The following KIRREL3 variants were observed in gnomAD, a reference collection of about 807,000 sequenced individuals.
KIRREL3 encodes the protein kirre like nephrin family adhesion molecule 3, also known as kin of IRRE-like protein 3.
In KIRREL3, 36 loss-of-function variants were observed where a neutral mutation model predicts 89.7. The ratio of observed to expected loss-of-function variants is 0.40; its 90% CI spans 0.31 to 0.53. The LOEUF is 0.53. KIRREL3 is among the 20% of genes least tolerant of loss of function. The pLI, the probability that KIRREL3 is intolerant of heterozygous loss-of-function variation, is 0.49. For missense variants in KIRREL3, 864 were observed against 1,056.6 expected, an observed-to-expected ratio of 0.82 and a Z score of 2.53; for synonymous variants, 445 against 441.4, an observed-to-expected ratio of 1.01 and a Z score of -0.10.
Position 126,797,211 on chromosome 11 carries a change from T to C in KIRREL3, c.55+203244A>G, listed in dbSNP as rs1011865162. 2.0e-5 allele frequency among the ~76,000 whole-genome samples: 3 copies of C among 152,180 alleles called. No homozygotes were observed. The highest frequency in any genetic ancestry group is 7.2e-5 in the African/African-American group (3 of 41,440). ...GGAATATGAGCCTAGGCTCTGAATA[T>C]GGGACCAATTTGAATTTAGATCCCA... On this transcript the variant is annotated intron_variant, in intron 1 of 16. Coordinates refer to ENST00000525144, the MANE Select transcript of KIRREL3 (RefSeq NM_032531.4). The surrounding 1 kb of genome is among the most constrained non-coding windows in gnomAD (Gnocchi z 4.9).
At position 126,965,912 on chromosome 11, in the gene KIRREL3, T is replaced by C. The variant is rs1949255174; in HGVS notation, c.55+34543A>G. On this transcript the variant is annotated intron_variant, in intron 1 of 16. Coordinates refer to ENST00000525144, the MANE Select transcript of KIRREL3 (RefSeq NM_032531.4). The surrounding 1 kb of genome is among the most constrained non-coding windows in gnomAD (Gnocchi z 4.4). ...TCCACAGGTAGGTACTTGAGTGGAC[T>C]GGCCTCAACTTGTAGAATTTAGAGT... 6.6e-6 allele frequency among the ~76,000 whole-genome samples: 1 copy of C among 152,202 alleles called. No individual in the cohort carries two copies. Among genetic ancestry groups the C allele is most frequent in the Admixed American group, 6.5e-5 (1 of 15,272 alleles).
At chr11:126,986,334 C>T (rs1202721594) in intron 1 of KIRREL3, among the ~76,000 whole-genome samples, 1 of 151,972 alleles carries the variant, frequency 6.6e-6, no homozygotes, top group African/African-American at 2.4e-5. Flanking sequence ...AATATCAATA[C>T]TTGTGGTTGT....
At chr11:126,469,298 G>A (rs1956816962) in intron 5 of KIRREL3, among the ~76,000 whole-genome samples, 1 of 152,234 alleles carries the variant, frequency 6.6e-6, no homozygotes, top group African/African-American at 2.4e-5. Context: ...GGTCTTTTCT[G>A]GGGTCCTTGG....
intron 4 of KIRREL3, among the ~76,000 whole-genome samples, chr11:126,482,761 C>T (rs75287152): frequency 0.021 from 3,232 of 152,336 alleles, 118 homozygotes; most frequent in African/African-American, 0.069. Context: ...TTCCACGCTG[C>T]CCTGCCTGGC....
At chr11:126,534,480 A>AG (rs1478797692) in intron 2 of KIRREL3, among the ~76,000 whole-genome samples, 1 of 152,108 alleles carries the variant, frequency 6.6e-6, no homozygotes, top group Non-Finnish European at 1.5e-5. Flanking sequence ...CCTGGAAGGT[A>AG]GGTCATGTTC....
In KIRREL3 at chr11:126,694,960, T is replaced by C. The variant is rs562910853; in HGVS notation, c.56-132048A>G. Among the ~76,000 whole-genome samples the C allele has an allele frequency of 6.6e-6, 1 of 152,156 alleles. No homozygotes were observed. The highest frequency in any genetic ancestry group is 2.4e-5 in the African/African-American group (1 of 41,486). ...CTTTGATTGGGAGATGAGATGCGAG[T>C]CTCAATGCCTAGAATGCTCTATAGC... On this transcript the variant is annotated intron_variant, in intron 1 of 16. Coordinates refer to ENST00000525144, the MANE Select transcript of KIRREL3 (RefSeq NM_032531.4). The surrounding 1 kb of genome is among the most constrained non-coding windows in gnomAD (Gnocchi z 4.4).
In KIRREL3 at chr11:126,610,422, AT is replaced by A. The variant is rs1221487721; in HGVS notation, c.56-47511del. On this transcript the variant is annotated intron_variant, in intron 1 of 16. Transcript: ENST00000525144. This position sits in a 1 kb window ranked among gnomAD's most constrained non-coding sequence, Gnocchi z 4.6. ...GAGGATTTTAACAGTTTCCCAAGCA[AT>A]GCTTCATATTCACAAATGAACACAT... is the stretch of plus-strand genomic sequence containing the variant. Among the ~76,000 whole-genome samples the A allele has an allele frequency of 2.0e-5, 3 of 152,326 alleles. No homozygotes were observed. In the South Asian group the frequency reaches 6.2e-4, roughly 32 times the overall value.
At chr11:126,598,604 G>C (rs1465469388) in intron 1 of KIRREL3, among the ~76,000 whole-genome samples, 1 of 152,188 alleles carries the variant, frequency 6.6e-6, no homozygotes, top group Non-Finnish European at 1.5e-5. Flanking sequence ...GGAAGCCAGT[G>C]CTAAGGATGG....
intron 1 of KIRREL3, among the ~76,000 whole-genome samples, chr11:126,712,733 T>G (rs534149187): frequency 8.5e-4 from 130 of 152,244 alleles, no homozygotes; most frequent in African/African-American, 2.9e-3. Flanking sequence ...ACCTGAAAGC[T>G]ACCAGCAGAG....
intron 1 of KIRREL3, among the ~76,000 whole-genome samples, chr11:126,902,220 G>C (rs1366095739): frequency 6.6e-6 from 1 of 152,200 alleles, no homozygotes; most frequent in Non-Finnish European, 1.5e-5. Context: ...TGCTGTCATT[G>C]ATGCTGGCAA....
At chr11:126,950,402 A>G (rs561989424) in intron 1 of KIRREL3, among the ~76,000 whole-genome samples, 3 of 152,038 alleles carry the variant, frequency 2.0e-5, no homozygotes, top group African/African-American at 7.2e-5. Flanking sequence ...AACAAACAAA[A>G]CCAAAAAACA....
At chr11:126,678,671 A>T (rs1357914693) in intron 1 of KIRREL3, among the ~76,000 whole-genome samples, 2 of 150,114 alleles carry the variant, frequency 1.3e-5, no homozygotes, top group Non-Finnish European at 3.0e-5. Flanking sequence ...TAGAGGAGTC[A>T]GATCCCTTGC....
In KIRREL3 at chr11:126,513,866, C is replaced by T. The variant is rs1958311539; in HGVS notation, c.433+7449G>A. ...CTCAGCGTGGCATTATGGCATTGAA[C>T]CCACAGGGTGGACCTCAGGGAGCTA... is the stretch of plus-strand genomic sequence containing the variant. On this transcript the variant is annotated intron_variant, in intron 4 of 16. Coordinates refer to ENST00000525144, the MANE Select transcript of KIRREL3 (RefSeq NM_032531.4). This position sits in a 1 kb window ranked among gnomAD's most constrained non-coding sequence, Gnocchi z 5.9. Among the ~76,000 whole-genome samples, 1 of 152,144 alleles carries T rather than the reference C, an allele frequency of 6.6e-6. No individual in the cohort carries two copies.
In KIRREL3 at chr11:126,995,279, C is replaced by T. The variant is rs764879727; in HGVS notation, c.55+5176G>A. ...AGAGCTCCAATCACTCTGCTGCAAGCGCCACCATTAAAGTCAAGATCACTG... is the reference window on the plus strand; with the variant it reads ...AGAGCTCCAATCACTCTGCTGCAAGTGCCACCATTAAAGTCAAGATCACTG... On this transcript the variant is annotated intron_variant, in intron 1 of 16. Transcript: ENST00000525144. This position sits in a 1 kb window ranked among gnomAD's most constrained non-coding sequence, Gnocchi z 6.5. 8 of 456,070 alleles carry T rather than the reference C, an allele frequency of 1.8e-5. No individual in the cohort carries two copies. Among genetic ancestry groups the T allele is most frequent in the East Asian group, 7.0e-5 (1 of 14,388 alleles). 28.3% of individuals were successfully genotyped at this position (456,070 alleles called of 1,614,324 possible).
Position 126,485,752 on chromosome 11 carries a change from G to A in KIRREL3, c.434-12286C>T, listed in dbSNP as rs148388368. On this transcript the variant is annotated intron_variant, in intron 4 of 16. Transcript: ENST00000525144. The surrounding 1 kb of genome is among the most constrained non-coding windows in gnomAD (Gnocchi z 5.8). ...CTGCTATTACCTTGTTCCATGCCCA[G>A]CCCTGGACTCCTGAGATGGAATGGT... Among the ~76,000 whole-genome samples, 638 of 152,348 alleles carry A rather than the reference G, an allele frequency of 4.2e-3. No homozygotes were observed. Among genetic ancestry groups the A allele is most frequent in the South Asian group, 8.7e-3 (42 of 4,826 alleles).
At chr11:126,961,225 A>G (rs1949076699) in intron 1 of KIRREL3, among the ~76,000 whole-genome samples, 1 of 152,230 alleles carries the variant, frequency 6.6e-6, no homozygotes, top group Admixed American at 6.5e-5. Context: ...CAAAAGCTAG[A>G]AATGACTGAG....
chr11:126,836,538 A>C (rs1277225538), intron 1 of KIRREL3, among the ~76,000 whole-genome samples: 1 of 152,176 alleles, frequency 6.6e-6, no homozygotes, highest in Non-Finnish European at 1.5e-5. Context: ...AAAGGTGCCT[A>C]CCTGGGACTC....
Position 126,484,299 on chromosome 11 carries a change from C to G in KIRREL3, c.434-10833G>C, listed in dbSNP as rs1957294288. On this transcript the variant is annotated intron_variant, in intron 4 of 16. Transcript: ENST00000525144. The surrounding 1 kb of genome is among the most constrained non-coding windows in gnomAD (Gnocchi z 5.2). ...CGCCTCTTTGCCTGTCTCCCATTGC[C>G]TAGTATGTTACCTTGGATGCAGTCA... Among the ~76,000 whole-genome samples the G allele has an allele frequency of 6.6e-6, 1 of 152,114 alleles. No homozygotes were observed. Among genetic ancestry groups the G allele is most frequent in the African/African-American group, 2.4e-5 (1 of 41,400 alleles).
In KIRREL3 at chr11:126,889,653, G is replaced by T. The variant is rs369178025; in HGVS notation, c.55+110802C>A. 2.6e-4 allele frequency among the ~76,000 whole-genome samples: 39 copies of T among 152,338 alleles called. No individual in the cohort carries two copies. The South Asian group carries it at 7.5e-3, about 29-fold the overall frequency. On this transcript the variant is annotated intron_variant, in intron 1 of 16. Transcript: ENST00000525144. ...GGGCTTCTATGCACAGCTTCGGGAA[G>T]AATCAGTTTCAGTACGTTTTATTGG...
Sources: gnomAD v4.1 joint callset for allele counts (sites outside exome capture counted in the v4.1 genomes callset) on GRCh38, gnomAD v4.1.1 for gene constraint, Gnocchi (gnomAD v3.1) non-coding constraint, MANE v1.5 for transcripts, NCBI Gene and HGNC (gene_info 2026-07-23, HGNC 2026-07-21) for gene names.